The following CA10 variants were observed in gnomAD, a reference collection of about 807,000 sequenced individuals.
CA10 encodes the protein carbonic anhydrase 10 (inactive).
Under a neutral mutation model 44.2 loss-of-function variants are expected in CA10, and 14 were observed. The ratio of observed to expected loss-of-function variants is 0.32; its 90% confidence interval spans 0.21 to 0.50. The LOEUF is 0.50. Ranked by LOEUF, CA10 falls within the 20% of genes least tolerant of loss-of-function variation. CA10 has a pLI of 0.99. For missense variants in CA10, 350 were observed against 409.7 expected (o/e 0.85, Z 1.26); for synonymous variants, 159 against 141.6 (o/e 1.12, Z -0.87).
chr17:51,821,388 C>T (rs1417768857), intron 3 of CA10, among the ~76,000 whole-genome samples: 1 of 151,822 alleles, frequency 6.6e-6, no homozygotes, highest in Non-Finnish European at 1.5e-5. Flanking sequence ...ACTGACTCCT[C>T]AGTTTCTCTT....
At chr17:51,772,247 T>G (rs1000100381) in intron 3 of CA10, among the ~76,000 whole-genome samples, 9 of 152,172 alleles carry the variant, frequency 5.9e-5, no homozygotes, top group African/African-American at 2.2e-4. Flanking sequence ...TAACAAACAT[T>G]AGGTACTCAT....
intron 2 of CA10, among the ~76,000 whole-genome samples, chr17:52,034,805 A>C (rs913333033): frequency 6.6e-6 from 1 of 152,196 alleles, no homozygotes; most frequent in Non-Finnish European, 1.5e-5. Context: ...TGGTGAAATA[A>C]AAATAAACAA....
intron 2 of CA10, among the ~76,000 whole-genome samples, chr17:52,032,994 A>G (rs1430825593): frequency 6.6e-6 from 1 of 152,212 alleles, no homozygotes; most frequent in Admixed American, 6.5e-5. Context: ...ACGTCAAGGC[A>G]TGAGTCAAGA....
At chr17:51,662,039 C>T (rs1349179521) in intron 4 of CA10, among the ~76,000 whole-genome samples, 7 of 152,096 alleles carry the variant, frequency 4.6e-5, no homozygotes, top group South Asian at 2.1e-4. Context: ...GTTTTCTGAC[C>T]GCTGCTAGTT....
At chr17:51,907,752 T>C (rs1295358695) in intron 3 of CA10, among the ~76,000 whole-genome samples, 2 of 152,146 alleles carry the variant, frequency 1.3e-5, no homozygotes. Flanking sequence ...TTCAGAGCTT[T>C]CCACGAGGTC....
At chr17:51,700,313 G>A (rs186516210) in intron 4 of CA10, among the ~76,000 whole-genome samples, 5 of 152,228 alleles carry the variant, frequency 3.3e-5, no homozygotes, top group South Asian at 4.1e-4. Flanking sequence ...AGATAATATC[G>A]CTGCACTGCT....
chr17:52,119,681 T>C (rs976275272), intron 1 of CA10, among the ~76,000 whole-genome samples: 2 of 152,192 alleles, frequency 1.3e-5, no homozygotes, highest in African/African-American at 4.8e-5. Flanking sequence ...AAATAATTAT[T>C]TGTGCTGTAC....
At position 52,066,712 on chromosome 17, in the gene CA10, A is replaced by T. The variant is rs138416959; in HGVS notation, c.136+5607T>A. On this transcript the variant is annotated intron_variant, in intron 2 of 8. Transcript: ENST00000451037. ...ATGTCCTTATTAGCAGCATGAGAACAGATTAACACAGATGAAGATAAAAAA... is the reference window on the plus strand; with the variant it reads ...ATGTCCTTATTAGCAGCATGAGAACTGATTAACACAGATGAAGATAAAAAA... 3.5e-4 allele frequency among the ~76,000 whole-genome samples: 53 copies of T among 152,364 alleles called. No homozygotes were observed. In the East Asian group the frequency reaches 9.6e-3, roughly 28 times the overall value.
chr17:51,903,004 CCTT>C (rs1327491929), intron 3 of CA10, among the ~76,000 whole-genome samples: 1 of 152,162 alleles, frequency 6.6e-6, no homozygotes, highest in African/African-American at 2.4e-5. Flanking sequence ...ATAAAAACTG[CCTT>C]CTTGTTGCCA....
chr17:52,026,467 C>T (rs1410469221), intron 2 of CA10, among the ~76,000 whole-genome samples: 3 of 152,216 alleles, frequency 2.0e-5, no homozygotes, highest in Non-Finnish European at 4.4e-5. Flanking sequence ...TGGGAGAAAA[C>T]GTCCTAGAGC....
intron 1 of CA10, among the ~76,000 whole-genome samples, chr17:52,128,632 G>T (rs1405247693): frequency 1.3e-5 from 2 of 152,120 alleles, no homozygotes; most frequent in African/African-American, 4.8e-5. Context: ...CTTCATGTGA[G>T]TTAATTTATC....
intron 3 of CA10, among the ~76,000 whole-genome samples, chr17:51,794,318 G>GC (rs746710400): frequency 6.6e-6 from 1 of 152,198 alleles, no homozygotes; most frequent in Non-Finnish European, 1.5e-5. Context: ...TGCTGGAAGT[G>GC]CCCCTTCTTC....
chr17:52,006,076 A>T lies in CA10; in HGVS notation c.136+66243T>A, dbSNP rs188060855. On this transcript the variant is annotated intron_variant, in intron 2 of 8. Coordinates refer to ENST00000451037, the MANE Select transcript of CA10 (RefSeq NM_020178.5). The stretch of plus-strand genomic sequence containing the variant: ...GTAATGAGATGGCCAAAGAGAGATG[A>T]TGCTGAAGGCACATACTATAAAATC... Among the ~76,000 whole-genome samples, 79 of 151,994 alleles carry T rather than the reference A, an allele frequency of 5.2e-4. No individual in the cohort carries two copies. The Middle Eastern group carries it at 0.021, about 40-fold the overall frequency.
At chr17:51,914,027 A>G (rs1981891500) in intron 3 of CA10, among the ~76,000 whole-genome samples, 1 of 152,148 alleles carries the variant, frequency 6.6e-6, no homozygotes, top group Non-Finnish European at 1.5e-5. Context: ...TTAAAGGATG[A>G]CTGCCTAGGA....
intron 1 of CA10, among the ~76,000 whole-genome samples, chr17:52,137,770 A>ACC: frequency 1.3e-5 from 2 of 152,238 alleles, no homozygotes; most frequent in Non-Finnish European, 2.9e-5. Context: ...CTGAACAATC[A>ACC]CAAGCAATTT....
intron 4 of CA10, among the ~76,000 whole-genome samples, chr17:51,674,973 G>A (rs924425721): frequency 2.0e-5 from 3 of 152,142 alleles, no homozygotes; most frequent in African/African-American, 4.8e-5. Context: ...AGAAAATTGC[G>A]CTGCTGTCAT....
rs765262846 is a variant in CA10, at chr17:52,036,519, GAATA to G, written c.136+35796_136+35799del. Among the ~76,000 whole-genome samples the G allele has an allele frequency of 3.3e-5, 5 of 152,118 alleles. No homozygotes were observed. The South Asian group carries it at 6.2e-4, about 19-fold the overall frequency. ...GAGGGGCCACCTGGAGTATCTTGAA[GAATA>G]AATAGTCATCCAACAGGAAAAATAG... On this transcript the variant is annotated intron_variant, in intron 2 of 8. Transcript: ENST00000451037.
chr17:51,683,511 T>A (rs1914912456), intron 4 of CA10, among the ~76,000 whole-genome samples: 1 of 152,192 alleles, frequency 6.6e-6, no homozygotes, highest in African/African-American at 2.4e-5. Context: ...AAGCCGCCTG[T>A]GAGGTCTTAA....
chr17:51,798,828 G>A (rs1318843189), intron 3 of CA10, among the ~76,000 whole-genome samples: 1 of 152,184 alleles, frequency 6.6e-6, no homozygotes, highest in Admixed American at 6.5e-5. Flanking sequence ...TTTAATTAAA[G>A]TTATGCTAGT....
Sources: gnomAD v4.1 joint callset for allele counts (sites outside exome capture counted in the v4.1 genomes callset) on GRCh38, gnomAD v4.1.1 for gene constraint, MANE v1.5 for transcripts, NCBI Gene and HGNC (gene_info 2026-07-23, HGNC 2026-07-21) for gene names.